Variants in KDM4C observed in about 807,000 individuals in gnomAD.
The protein encoded by KDM4C is lysine demethylase 4C.
In KDM4C, 81 loss-of-function variants were observed where a neutral mutation model predicts 129.3. That is an observed-to-expected ratio of 0.63 (90% CI 0.52 to 0.75). The LOEUF (loss-of-function observed/expected upper bound fraction) is 0.75. KDM4C is among the 30% of genes least tolerant of loss of function. The pLI is 0.00. For synonymous variants in KDM4C, 573 were observed against 456.1 expected (o/e 1.26, Z -3.26); for missense variants, 1,457 against 1,304.0 (o/e 1.12, Z -1.81).
intron 17 of KDM4C, among the ~76,000 whole-genome samples, chr9:7,091,694 T>C (rs1835822221): frequency 6.6e-6 from 1 of 152,086 alleles, no homozygotes; most frequent in Non-Finnish European, 1.5e-5. Flanking sequence ...CTGAGAAACA[T>C]AGACTGAGAA....
chr9:7,126,594 G>T (rs1016528933), intron 18 of KDM4C, among the ~76,000 whole-genome samples: 1 of 152,150 alleles, frequency 6.6e-6, no homozygotes, highest in Non-Finnish European at 1.5e-5. Context: ...TGTGTTTGTG[G>T]CAAATTGATA....
intron 8 of KDM4C, among the ~76,000 whole-genome samples, chr9:6,943,076 C>A (rs776142188): frequency 6.6e-6 from 1 of 151,982 alleles, no homozygotes; most frequent in Non-Finnish European, 1.5e-5. Flanking sequence ...GCCATGGTTC[C>A]CTGGCTGTCT....
intron 1 of KDM4C, among the ~76,000 whole-genome samples, chr9:6,763,228 C>G (rs1181126167): frequency 6.6e-6 from 1 of 152,166 alleles, no homozygotes; most frequent in Admixed American, 6.6e-5. Flanking sequence ...ACTGCCCAGC[C>G]AGTCTCCTTC....
chr9:6,750,698 A>C (rs575063864), intron 1 of KDM4C, among the ~76,000 whole-genome samples: 1 of 152,376 alleles, frequency 6.6e-6, no homozygotes, highest in African/African-American at 2.4e-5. Flanking sequence ...TTAGTCAATG[A>C]AGAGCCAGGG....
chr9:6,771,056 G>A (rs888843593), intron 1 of KDM4C, among the ~76,000 whole-genome samples: 1 of 144,380 alleles, frequency 6.9e-6, no homozygotes, highest in Non-Finnish European at 1.5e-5. Flanking sequence ...TTACAGGCGT[G>A]AGCCACTGCG....
intron 17 of KDM4C, among the ~76,000 whole-genome samples, chr9:7,049,979 C>T (rs974121612): frequency 6.6e-6 from 1 of 152,060 alleles, no homozygotes; most frequent in Non-Finnish European, 1.5e-5. Context: ...TTATTTTCCA[C>T]TGAAGGTCTT....
At chr9:7,124,352 G>C (rs1263066710) in intron 18 of KDM4C, among the ~76,000 whole-genome samples, 1 of 152,232 alleles carries the variant, frequency 6.6e-6, no homozygotes, top group African/African-American at 2.4e-5. Context: ...ACATCTGCAA[G>C]AAAGTTCTGC....
chr9:7,088,257 A>G (rs1835379929), intron 17 of KDM4C, among the ~76,000 whole-genome samples: 1 of 152,214 alleles, frequency 6.6e-6, no homozygotes, highest in Non-Finnish European at 1.5e-5. Context: ...ACTCGTTGAT[A>G]TGAACCCTGG....
rs543390113 is a variant in KDM4C, at chr9:6,835,431, C to T, written c.436-14076C>T. 1.8e-5 allele frequency: 21 copies of T among 1,175,372 alleles called. No homozygotes were observed. The African/African-American group carries it at 3.2e-4, about 18-fold the overall frequency. The allele number at this position is 1,175,372 out of a possible 1,614,324, so 72.8% of individuals were successfully genotyped here. The stretch of plus-strand genomic sequence containing the variant: ...CCCTGGCGCCCAGCACGATGAAGAT[C>T]AAGATCATTGCTCCTCCTGAGCTCA... On this transcript the variant is annotated intron_variant, in intron 4 of 21. Coordinates refer to ENST00000381309, the MANE Select transcript of KDM4C (RefSeq NM_015061.6).
At chr9:7,064,045 T>A (rs1832076205) in intron 17 of KDM4C, among the ~76,000 whole-genome samples, 1 of 152,230 alleles carries the variant, frequency 6.6e-6, no homozygotes, top group African/African-American at 2.4e-5. Flanking sequence ...AAGAACTGAA[T>A]TTCAAATTGT....
At position 7,098,688 on chromosome 9, in the gene KDM4C, T is replaced by G. The variant is rs186031121; in HGVS notation, c.2425-4997T>G. On this transcript the variant is annotated intron_variant, in intron 17 of 21. Coordinates refer to ENST00000381309, the MANE Select transcript of KDM4C (RefSeq NM_015061.6). The stretch of plus-strand genomic sequence containing the variant: ...CCTCCCCAGCCACTCTTTAGCTGAC[T>G]AGATAAATTGATTTCTCTTTATTAA... 4.5e-4 allele frequency among the ~76,000 whole-genome samples: 68 copies of G among 152,326 alleles called. 2 individuals are homozygous for G. Among genetic ancestry groups the G allele is most frequent in the Admixed American group, 2.4e-3 (37 of 15,306 alleles).
At chr9:6,826,409 CTG>C (rs1186043720) in intron 4 of KDM4C, among the ~76,000 whole-genome samples, 42 of 152,044 alleles carry the variant, frequency 2.8e-4, no homozygotes, top group East Asian at 7.7e-4. Flanking sequence ...GCTGTCAAAA[CTG>C]TTTTGTATAT....
At chr9:7,110,961 C>A (rs1387720332) in intron 18 of KDM4C, among the ~76,000 whole-genome samples, 1 of 152,180 alleles carries the variant, frequency 6.6e-6, no homozygotes, top group East Asian at 1.9e-4. Flanking sequence ...TTATGGAGAA[C>A]TTTAGACTGC....
chr9:6,762,130 G>C (rs1258715842), intron 1 of KDM4C, among the ~76,000 whole-genome samples: 1 of 151,932 alleles, frequency 6.6e-6, no homozygotes, highest in Non-Finnish European at 1.5e-5. Context: ...TTAAGTTCTA[G>C]GGTACATGTG....
chr9:7,149,984 G>A (rs1032027487), intron 19 of KDM4C, among the ~76,000 whole-genome samples: 1 of 152,324 alleles, frequency 6.6e-6, no homozygotes, highest in Admixed American at 6.5e-5. Context: ...CTCCTGGTAT[G>A]GTGGGGCACA....
chr9:7,020,235 C>T (rs1365625191), intron 15 of KDM4C, among the ~76,000 whole-genome samples: 7 of 152,156 alleles, frequency 4.6e-5, no homozygotes, highest in Non-Finnish European at 1.0e-4. Flanking sequence ...AGAATTATGG[C>T]CCTATGCCCA....
rs138992739 is a variant in KDM4C at position 6,826,951 on chromosome 9, C to G, written c.435+12206C>G. Reference sequence around the variant, plus strand: ...CACAGGTAGAGGAAAGCAGATAAATCTAATATGAAGGATGTGGGTGGGTGG... The same window carrying G: ...CACAGGTAGAGGAAAGCAGATAAATGTAATATGAAGGATGTGGGTGGGTGG... On this transcript the variant is annotated intron_variant, in intron 4 of 21. Transcript: ENST00000381309. Among the ~76,000 whole-genome samples the G allele has an allele frequency of 9.5e-3, 1,450 of 151,934 alleles. 12 individuals are homozygous for G. The highest frequency in any genetic ancestry group is 0.029 in the African/African-American group (1,214 of 41,428).
chr9:7,101,339 G>C (rs1199254999), intron 17 of KDM4C, among the ~76,000 whole-genome samples: 2 of 151,568 alleles, frequency 1.3e-5, no homozygotes, highest in Non-Finnish European at 2.9e-5. Context: ...TGCCAGGGAG[G>C]AAAAAAAACC....
intron 1 of KDM4C, among the ~76,000 whole-genome samples, chr9:6,772,360 A>G (rs1256978477): frequency 7.4e-6 from 1 of 135,490 alleles, no homozygotes; most frequent in Non-Finnish European, 1.6e-5. Flanking sequence ...TGTTGGCCAG[A>G]CTGGTCCTTT....
Sources: allele counts gnomAD v4.1 joint callset (sites outside exome capture counted in the v4.1 genomes callset), GRCh38; gene constraint gnomAD v4.1.1; transcripts MANE v1.5; gene names NCBI Gene and HGNC (gene_info 2026-07-23, HGNC 2026-07-21).